ITSN1: variants seen among roughly 807,000 people sequenced by gnomAD.
ITSN1 encodes the protein intersectin-1.
A neutral mutation model predicts 239.8 loss-of-function variants in ITSN1; 58 were observed. The ratio of observed to expected loss-of-function variants is 0.24; its 90% CI spans 0.20 to 0.30. The LOEUF (loss-of-function observed/expected upper bound fraction) is 0.30. Among genes scored for constraint, ITSN1 ranks in the 10% least tolerant of loss-of-function variants. The probability of loss-of-function intolerance (pLI) is 1.00; values close to 1 mark genes in which losing one functional copy is unlikely to be tolerated. For synonymous variants in ITSN1, 780 were observed against 770.8 expected (o/e 1.01, Z -0.20); for missense variants, 1,558 against 2,103.3 (o/e 0.74, Z 5.07).
At chr21:33,687,390 C>G (rs2091297728) in intron 1 of ITSN1, among the ~76,000 whole-genome samples, 1 of 91,030 alleles carries the variant, frequency 1.1e-5, no homozygotes, top group Admixed American at 1.8e-4. Context: ...AAGAGCAGAA[C>G]TCCATCTTAA....
At chr21:33,871,167 C>G (rs1982646664) in intron 33 of ITSN1, among the ~76,000 whole-genome samples, 1 of 149,290 alleles carries the variant, frequency 6.7e-6, no homozygotes, top group South Asian at 2.1e-4. Context: ...AAATTTTATT[C>G]TGGGGAACAA....
In ITSN1 at chr21:33,899,747, C is replaced by T. The variant is rs918828986; in HGVS notation, c.*11447C>T. On this transcript the variant is annotated 3_prime_UTR_variant, in exon 40 of 40. Transcript: ENST00000381318. The stretch of plus-strand genomic sequence containing the variant: ...AATTGCTCTTCCTGTGTATCTTGAA[C>T]CTAAAAAGAACAATCTCTTCAAAAA... 5 of 152,018 alleles carry T rather than the reference C, an allele frequency of 3.3e-5. No homozygotes were observed. Among genetic ancestry groups the T allele is most frequent in the African/African-American group, 9.7e-5 (4 of 41,396 alleles). The allele number at this position is 152,018 out of a possible 1,614,324, so 9.4% of individuals were successfully genotyped here. A position where few individuals can be genotyped will look rare whatever the true frequency, so the allele number is the denominator to read the frequency against.
At chr21:33,816,949 A>G (rs2073315921) in intron 22 of ITSN1, among the ~76,000 whole-genome samples, 1 of 152,174 alleles carries the variant, frequency 6.6e-6, no homozygotes, top group Non-Finnish European at 1.5e-5. Context: ...AAGACCAGGA[A>G]TTAGAGGTTA....
chr21:33,883,248 CCATATTTAT>C (rs1365417762), intron 35 of ITSN1, among the ~76,000 whole-genome samples: 1 of 152,116 alleles, frequency 6.6e-6, no homozygotes, highest in Non-Finnish European at 1.5e-5. Context: ...GCGGGGGAAC[CCATATTTAT>C]CATATTTATA....
At chr21:33,700,628 C>G (rs1331233062) in intron 1 of ITSN1, among the ~76,000 whole-genome samples, 1 of 152,182 alleles carries the variant, frequency 6.6e-6, no homozygotes, top group Non-Finnish European at 1.5e-5. Context: ...TTCTTAATTA[C>G]TGACACCAGG....
chr21:33,689,580 A>G (rs894480794), intron 1 of ITSN1, among the ~76,000 whole-genome samples: 1 of 152,138 alleles, frequency 6.6e-6, no homozygotes, highest in Non-Finnish European at 1.5e-5. Flanking sequence ...AGAGGCTAAC[A>G]TGGGAGGATT....
chr21:33,644,500 ACT>A (rs745640652), intron 1 of ITSN1, among the ~76,000 whole-genome samples: 13 of 152,174 alleles, frequency 8.5e-5, no homozygotes, highest in African/African-American at 1.4e-4. Flanking sequence ...CCGTCACAAA[ACT>A]CTTTTATTAT....
At chr21:33,721,336 C>G in intron 3 of ITSN1, 66 bp downstream of exon 3, 1 of 1,031,154 alleles carries the variant, frequency 9.7e-7, no homozygotes, top group South Asian at 1.3e-5. Context: ...GAAACTCTAT[C>G]ATGCAAAGAC....
chr21:33,663,345 G>A (rs2089699067), intron 1 of ITSN1, among the ~76,000 whole-genome samples: 1 of 152,056 alleles, frequency 6.6e-6, no homozygotes, highest in Admixed American at 6.6e-5. Flanking sequence ...GCCATTAACT[G>A]TTATAAAATT....
Position 33,766,163 on chromosome 21 carries a change from A to T in ITSN1, c.926+151A>T, listed in dbSNP as rs566751220. The T allele has an allele frequency of 2.1e-5, 16 of 762,944 alleles. No homozygotes were observed. The South Asian group carries it at 3.1e-4, about 15-fold the overall frequency. 47.3% of individuals were successfully genotyped at this position (762,944 alleles called of 1,614,324 possible). ...AGAGACTCTCATCTAGGTCTATGTT[A>T]ATCTTGGGCCCATTTTGTTCTTCAA... On this transcript the variant is annotated intron_variant, in intron 10 of 39. Coordinates refer to ENST00000381318, the MANE Select transcript of ITSN1 (RefSeq NM_003024.3).
intron 33 of ITSN1, among the ~76,000 whole-genome samples, 156 bp downstream of exon 33, chr21:33,867,487 G>A (rs1211589515): frequency 8.6e-5 from 13 of 151,982 alleles, no homozygotes; most frequent in African/African-American, 3.1e-4. Context: ...TGGTAACTCA[G>A]AAAGAAAAGC....
intron 22 of ITSN1, chr21:33,817,818 A>T: frequency 5.1e-6 from 2 of 390,886 alleles, no homozygotes; most frequent in Non-Finnish European, 8.9e-6. Flanking sequence ...CCCTGGGTCT[A>T]CCTAATCTAA....
chr21:33,752,841 C>CTTTTGGAA (rs1353081719), intron 7 of ITSN1, among the ~76,000 whole-genome samples: 2 of 148,740 alleles, frequency 1.3e-5, no homozygotes, highest in African/African-American at 5.0e-5. Context: ...AAAAAAAAAG[C>CTTTTGGAA]TTTTGGAATT....
intron 4 of ITSN1, among the ~76,000 whole-genome samples, chr21:33,725,557 GC>G (rs2065781280): frequency 6.6e-6 from 1 of 152,102 alleles, no homozygotes; most frequent in Non-Finnish European, 1.5e-5. Context: ...CTATGATTGT[GC>G]CTTCTAGCGT....
chr21:33,882,280 C>G lies in ITSN1; in HGVS notation c.4379C>G (p.Pro1460Arg). 1 of 1,614,076 alleles carries G rather than the reference C, an allele frequency of 6.2e-7. No homozygotes were observed. Among genetic ancestry groups the G allele is most frequent in the Non-Finnish European group, 8.5e-7 (1 of 1,180,014 alleles). The part of the protein sequence containing the change: ...VFNSVTNCLG[P>R]RKFLHSGKLY... ...AATTCAGTGACCAATTGCTTGGGGC[C>G]GCGCAAATTTCTGCACAGTGGGAAG... The change falls in exon 35 of 40, where the codon CCG becomes CGG. Residue 1460 changes from proline to arginine, a missense_variant. By Grantham distance (103) the Pro-to-Arg change is moderately radical. Transcript: ENST00000381318. The surrounding 1 kb of genome is among the most constrained non-coding windows in gnomAD (Gnocchi z 4.5).
chr21:33,699,469 A>T (rs1024197076), intron 1 of ITSN1, among the ~76,000 whole-genome samples: 6 of 152,168 alleles, frequency 3.9e-5, no homozygotes, highest in Non-Finnish European at 8.8e-5. Flanking sequence ...ACGGTGCCTC[A>T]TGCACTTTGG....
chr21:33,643,884 G>C (rs2087684697), intron 1 of ITSN1: 2 of 152,260 alleles, frequency 1.3e-5, no homozygotes, highest in South Asian at 4.1e-4. Flanking sequence ...GAAATTCTCA[G>C]TTCTGTCAGC....
chr21:33,750,379 A>G (rs372613869), intron 6 of ITSN1, 57 bp downstream of exon 6: 10 of 1,456,820 alleles, frequency 6.9e-6, no homozygotes, highest in East Asian at 4.6e-5. Flanking sequence ...TTTGCTGTTC[A>G]TTATTAAAAT....
chr21:33,826,265 C>T (rs577608568), intron 25 of ITSN1, among the ~76,000 whole-genome samples: 1 of 152,282 alleles, frequency 6.6e-6, no homozygotes, highest in South Asian at 2.1e-4. Flanking sequence ...CAGCCACTGC[C>T]TCTTTGGATA....
Sources: gnomAD v4.1 joint callset for allele counts (sites outside exome capture counted in the v4.1 genomes callset) on GRCh38, gnomAD v4.1.1 for gene constraint, Gnocchi (gnomAD v3.1) non-coding constraint, MANE v1.5 for transcripts, NCBI Gene and HGNC (gene_info 2026-07-23, HGNC 2026-07-21) for gene names.